Variants in OR7E24 observed in about 807,000 individuals in gnomAD.
OR7E24 encodes the protein olfactory receptor 7E24.
For missense variants in OR7E24, 385 were observed against 410.3 expected, an observed-to-expected ratio of 0.94 and a Z score of 0.53; for synonymous variants, 130 against 157.5, an observed-to-expected ratio of 0.83 and a Z score of 1.31.
chr19:9,216,081 GACTT>G, the OR7E24 span, among the ~76,000 whole-genome samples: 1 of 152,104 alleles, frequency 6.6e-6, no homozygotes, highest in African/African-American at 2.4e-5. Flanking sequence ...GATCTCATGA[GACTT>G]ACTCACTATC....
chr19:9,222,505 A>C, the OR7E24 span, among the ~76,000 whole-genome samples: 2 of 152,218 alleles, frequency 1.3e-5, no homozygotes, highest in Non-Finnish European at 2.9e-5. Context: ...TGGGTGTACA[A>C]ATTTTTCACC....
chr19:9,235,540 A>G, the OR7E24 span: 4 of 1,546,950 alleles, frequency 2.6e-6, no homozygotes, highest in East Asian at 2.2e-5. Context: ...ACTGCAGTAC[A>G]TGGTCATCAT....
upstream of OR7E24, among the ~76,000 whole-genome samples, chr19:9,243,919 C>A (rs1419394320): frequency 6.6e-6 from 1 of 152,190 alleles, no homozygotes; most frequent in Non-Finnish European, 1.5e-5. Context: ...CAGGCTGCCT[C>A]CTCCCGGGAG....
chr19:9,249,447 T>A (rs1228294036), upstream of OR7E24, among the ~76,000 whole-genome samples: 3 of 152,140 alleles, frequency 2.0e-5, no homozygotes. Flanking sequence ...GAAGGTAAAA[T>A]AGCACTTTTT....
chr19:9,241,156 C>G, the OR7E24 span, among the ~76,000 whole-genome samples: 2 of 152,094 alleles, frequency 1.3e-5, no homozygotes, highest in Admixed American at 6.6e-5. Context: ...TTGTACATGG[C>G]AGAAAGTAGG....
chr19:9,223,050 A>G, the OR7E24 span, among the ~76,000 whole-genome samples: 4 of 152,188 alleles, frequency 2.6e-5, no homozygotes, highest in Admixed American at 6.5e-5. Context: ...GCATCTATAG[A>G]AATGGTCATA....
chr19:9,252,279 A>G lies in OR7E24; in HGVS notation c.*216A>G, dbSNP rs1243463565. ...ATATACCTAGACAGCCTCCTTTAGT[A>G]TCTGTGCAATGACCTTGATATCCAG... On this transcript the variant is annotated 3_prime_UTR_variant, in exon 1 of 1. Coordinates refer to ENST00000456448, the MANE Select transcript of OR7E24 (RefSeq NM_001079935.2). 2 of 455,912 alleles carry G rather than the reference A, an allele frequency of 4.4e-6. No homozygotes were observed. The highest frequency in any genetic ancestry group is 7.9e-6 in the Non-Finnish European group (2 of 253,638). The allele number at this position is 455,912 out of a possible 1,614,324, so 28.2% of individuals were successfully genotyped here. A position where few individuals can be genotyped will look rare whatever the true frequency, so the allele number is the denominator to read the frequency against.
chr19:9,213,864 G>C, the OR7E24 span: 2 of 1,446,860 alleles, frequency 1.4e-6, no homozygotes, highest in Non-Finnish European at 1.9e-6. Flanking sequence ...TTAGGGGTAC[G>C]CAGTGTGTCC....
At chr19:9,214,857 G>A in the OR7E24 span, 251 of 1,524,588 alleles carry the variant, frequency 1.6e-4, 2 homozygotes, top group East Asian at 5.6e-3. Flanking sequence ...GTGTCTGCTG[G>A]GGAAGGAGGA....
the OR7E24 span, among the ~76,000 whole-genome samples, chr19:9,229,807 G>A: frequency 6.6e-6 from 1 of 152,048 alleles, no homozygotes; most frequent in East Asian, 1.9e-4. Context: ...TGGAAACTTC[G>A]AACTGGGCCC....
At chr19:9,217,308 C>A in the OR7E24 span, among the ~76,000 whole-genome samples, 1 of 151,998 alleles carries the variant, frequency 6.6e-6, no homozygotes, top group Non-Finnish European at 1.5e-5. Context: ...TTAAAAATTT[C>A]TATAAATCAA....
At chr19:9,231,759 G>A in the OR7E24 span, among the ~76,000 whole-genome samples, 1 of 151,928 alleles carries the variant, frequency 6.6e-6, no homozygotes, top group East Asian at 1.9e-4. Context: ...CTAATATTAA[G>A]CCTGTTTGCT....
chr19:9,231,544 C>T, the OR7E24 span, among the ~76,000 whole-genome samples: 2 of 152,008 alleles, frequency 1.3e-5, no homozygotes, highest in Non-Finnish European at 1.5e-5. Flanking sequence ...TGCGCCACTG[C>T]GCTCCAGCCT....
chr19:9,249,382 A>T (rs1200645748), upstream of OR7E24, among the ~76,000 whole-genome samples: 1 of 152,192 alleles, frequency 6.6e-6, no homozygotes, highest in Non-Finnish European at 1.5e-5. Context: ...CAACACACTC[A>T]CTGCTTTCCT....
rs2066147536 is a variant in OR7E24, at chr19:9,251,491, T to C, written c.448T>C (p.Tyr150His). ...TGTGGCCATCTGTCACCCCCTGCAC[T>C]ACCGAATCATCATGAACCCACGCCT... is the stretch of plus-strand genomic sequence containing the variant. ...RFVAICHPLH[Y>H]RIIMNPRLCG... is the part of the protein sequence containing the mutation. The change falls in exon 1 of 1, where the codon TAC becomes CAC. Residue 150 changes from tyrosine to histidine, a missense_variant. Transcript: ENST00000456448. 6.2e-7 allele frequency: 1 copy of C among 1,614,068 alleles called. No individual in the cohort carries two copies. The highest frequency in any genetic ancestry group is 8.5e-7 in the Non-Finnish European group (1 of 1,180,032).
the OR7E24 span, chr19:9,212,071 G>A: frequency 1.6e-4 from 25 of 151,878 alleles, no homozygotes; most frequent in African/African-American, 6.0e-4. Flanking sequence ...TAATTTTTGT[G>A]CGTAGATAGT....
the OR7E24 span, among the ~76,000 whole-genome samples, chr19:9,217,662 C>A: frequency 3.3e-5 from 5 of 152,224 alleles, no homozygotes; most frequent in Non-Finnish European, 7.3e-5. Context: ...TCTCAGCCTC[C>A]TGAGTAGCTG....
At chr19:9,239,707 C>CTTTTTTT in the OR7E24 span, among the ~76,000 whole-genome samples, 479 of 122,920 alleles carry the variant, frequency 3.9e-3, no homozygotes, top group African/African-American at 5.6e-3. Context: ...TTTTCTTTTT[C>CTTTTTTT]TTTTTTTTTT....
the OR7E24 span, among the ~76,000 whole-genome samples, chr19:9,221,879 C>CA: frequency 2.0e-5 from 3 of 152,134 alleles, no homozygotes; most frequent in African/African-American, 4.8e-5. Flanking sequence ...AGGTCATATC[C>CA]AAAAAAATCA....
Sources: allele counts gnomAD v4.1 joint callset (sites outside exome capture counted in the v4.1 genomes callset), GRCh38; gene constraint gnomAD v4.1.1; transcripts MANE v1.5; gene names NCBI Gene and HGNC (gene_info 2026-07-23, HGNC 2026-07-21).